BTG4: variants seen among roughly 807,000 people sequenced by gnomAD.
BTG4 encodes protein BTG4.
In BTG4, 10 loss-of-function variants were observed where a neutral mutation model predicts 19.3. That is an observed-to-expected ratio of 0.52 (90% confidence interval 0.32 to 0.88). The LOEUF is 0.88. Among genes scored for constraint, BTG4 ranks in the 40% least tolerant of loss-of-function variants. The pLI is 0.04. For missense variants in BTG4, 238 were observed against 281.9 expected, an observed-to-expected ratio of 0.84 and a Z score of 1.11; for synonymous variants, 91 against 95.7, an observed-to-expected ratio of 0.95 and a Z score of 0.29.
chr11:111,506,733 A>C (rs1187613662), intron 1 of BTG4, among the ~76,000 whole-genome samples: 1 of 152,194 alleles, frequency 6.6e-6, no homozygotes, highest in African/African-American at 2.4e-5. Flanking sequence ...TACCATTATA[A>C]TAAAATGCTG....
intron 1 of BTG4, among the ~76,000 whole-genome samples, chr11:111,502,390 C>T (rs1459975379): frequency 6.6e-6 from 1 of 152,168 alleles, no homozygotes. Flanking sequence ...ACCGCCTTAG[C>T]TGTGAAGAAG....
chr11:111,493,791 T>C (rs1250750522), downstream of BTG4, among the ~76,000 whole-genome samples: 2 of 152,128 alleles, frequency 1.3e-5, no homozygotes, highest in Non-Finnish European at 2.9e-5. Flanking sequence ...ATAATGCTGC[T>C]ATGTGCCCTA....
chr11:111,409,827 A>G, the BTG4 span, among the ~76,000 whole-genome samples: 1 of 152,176 alleles, frequency 6.6e-6, no homozygotes, highest in Admixed American at 6.5e-5. Flanking sequence ...TAGGAAAAAA[A>G]GCAATTTCCT....
the BTG4 span, among the ~76,000 whole-genome samples, chr11:111,436,890 C>T: frequency 2.6e-5 from 4 of 152,122 alleles, no homozygotes; most frequent in East Asian, 5.8e-4. Context: ...TGTATTTCTC[C>T]GGCAGATGGC....
chr11:111,498,794 TA>T lies in BTG4; in HGVS notation c.-19del, dbSNP rs753379016. 3 of 1,590,388 alleles carry T rather than the reference TA, an allele frequency of 1.9e-6. No homozygotes were observed. In the Admixed American group the frequency reaches 5.3e-5, roughly 28 times the overall value. ...TCTCTCATGATTCAAGAAAAATAGA[TA>T]AGGAGGTCTGAATCATTAAAAGGAA... is the stretch of plus-strand genomic sequence containing the variant. On this transcript the variant is annotated 5_prime_UTR_variant, in exon 2 of 5. Coordinates refer to ENST00000692032, the MANE Select transcript of BTG4 (RefSeq NM_001367975.1).
At chr11:111,389,938 T>C in the BTG4 span, among the ~76,000 whole-genome samples, 2 of 151,712 alleles carry the variant, frequency 1.3e-5, no homozygotes, top group African/African-American at 4.9e-5. Context: ...CTAAGACTTC[T>C]GGAGCACTGA....
At chr11:111,409,090 T>C in the BTG4 span, among the ~76,000 whole-genome samples, 1 of 152,202 alleles carries the variant, frequency 6.6e-6, no homozygotes, top group African/African-American at 2.4e-5. Context: ...TGGGTGTTTA[T>C]GCAGATGTTT....
At chr11:111,438,835 C>T in the BTG4 span, among the ~76,000 whole-genome samples, 10 of 152,270 alleles carry the variant, frequency 6.6e-5, no homozygotes, top group African/African-American at 2.4e-4. Context: ...ATATGTGAAC[C>T]TCCCCCGTCC....
the BTG4 span, among the ~76,000 whole-genome samples, chr11:111,410,090 C>T: frequency 1.3e-5 from 2 of 152,166 alleles, no homozygotes; most frequent in Non-Finnish European, 1.5e-5. Context: ...AGGTCTGTTA[C>T]TAACCTGCAA....
intron 1 of BTG4, among the ~76,000 whole-genome samples, chr11:111,510,957 C>A (rs553810649): frequency 3.3e-5 from 5 of 152,312 alleles, no homozygotes; most frequent in African/African-American, 1.2e-4. Context: ...AAGTGACTAA[C>A]AATTTGGTAG....
At chr11:111,400,032 G>A in the BTG4 span, among the ~76,000 whole-genome samples, 1 of 152,154 alleles carries the variant, frequency 6.6e-6, no homozygotes, top group Non-Finnish European at 1.5e-5. Context: ...GGGTGAGGGT[G>A]GAGTGAGGGG....
chr11:111,440,976 G>T, the BTG4 span, among the ~76,000 whole-genome samples: 1 of 152,182 alleles, frequency 6.6e-6, no homozygotes, highest in South Asian at 2.1e-4. Flanking sequence ...GGTCAGACAG[G>T]CACCCGCAGA....
At chr11:111,414,185 G>GTATCTAATT in the BTG4 span, 3 of 152,232 alleles carry the variant, frequency 2.0e-5, no homozygotes, top group East Asian at 5.8e-4. Context: ...AGTTGCACAT[G>GTATCTAATT]GGCCAGGATG....
chr11:111,442,741 T>C, the BTG4 span, among the ~76,000 whole-genome samples: 1 of 151,736 alleles, frequency 6.6e-6, no homozygotes, highest in Non-Finnish European at 1.5e-5. Flanking sequence ...AAATCTAAAG[T>C]ATGAAATGAA....
At chr11:111,513,101 C>T (rs902632040), upstream of BTG4, 18 of 428,064 alleles carry the variant, frequency 4.2e-5, no homozygotes, top group Non-Finnish European at 7.6e-5. Flanking sequence ...CTGAGAAGCG[C>T]GGCGTCGGCG....
chr11:111,390,929 A>T, the BTG4 span, among the ~76,000 whole-genome samples: 1 of 152,234 alleles, frequency 6.6e-6, no homozygotes, highest in Non-Finnish European at 1.5e-5. Flanking sequence ...CCCACCTCCG[A>T]TGGAGTTTGG....
At chr11:111,497,167 T>G (rs1490200862) in intron 4 of BTG4, 44 bp downstream of exon 4, 1 of 1,529,842 alleles carries the variant, frequency 6.5e-7, no homozygotes, top group African/African-American at 1.4e-5. Context: ...CTTTTTAGAA[T>G]TAGATAGAAA....
chr11:111,435,355 C>A, the BTG4 span, among the ~76,000 whole-genome samples: 5 of 152,004 alleles, frequency 3.3e-5, no homozygotes, highest in African/African-American at 9.7e-5. Flanking sequence ...GTGGGGACAC[C>A]ACCGCCACCA....
the BTG4 span, among the ~76,000 whole-genome samples, chr11:111,418,595 C>T: frequency 2.0e-5 from 3 of 152,164 alleles, no homozygotes; most frequent in African/African-American, 7.2e-5. Flanking sequence ...TCTGCAGCGC[C>T]TATCATAAGG....
Sources: gnomAD v4.1 joint callset for allele counts (sites outside exome capture counted in the v4.1 genomes callset) on GRCh38, gnomAD v4.1.1 for gene constraint, MANE v1.5 for transcripts, NCBI Gene and HGNC (gene_info 2026-07-23, HGNC 2026-07-21) for gene names.